ZNF532: variants seen among roughly 807,000 people sequenced by gnomAD.
ZNF532 encodes zinc finger protein 532.
A neutral mutation model predicts 89.3 loss-of-function variants in ZNF532; 22 were observed. That is an observed-to-expected ratio of 0.25 (90% confidence interval 0.18 to 0.35). The LOEUF (loss-of-function observed/expected upper bound fraction) is 0.35. Among genes scored for constraint, ZNF532 ranks in the 10% least tolerant of loss-of-function variants. The pLI is 1.00. For missense variants in ZNF532, 1,132 were observed against 1,643.4 expected, an observed-to-expected ratio of 0.69 and a Z score of 5.38; for synonymous variants, 606 against 649.6, an observed-to-expected ratio of 0.93 and a Z score of 1.02.
intron 2 of ZNF532, among the ~76,000 whole-genome samples, chr18:58,908,132 A>C (rs1390802140): frequency 6.6e-6 from 1 of 152,236 alleles, no homozygotes. Flanking sequence ...TCTAAATATC[A>C]GTAGCCCCTT....
In ZNF532 at chr18:58,967,658, G is replaced by A. The variant is rs568031942; in HGVS notation, c.3151-11397G>A. On this transcript the variant is annotated intron_variant, in intron 7 of 9. Coordinates refer to ENST00000591808, the MANE Select transcript of ZNF532 (RefSeq NM_001375912.1). ...TGGAGAGCCTGGCAAGTTAGAGTCG[G>A]AGCTCGGTAAATACCGTGGAAGGAA... Among the ~76,000 whole-genome samples, 5 of 152,258 alleles carry A rather than the reference G, an allele frequency of 3.3e-5. No homozygotes were observed. The East Asian group carries it at 9.7e-4, about 29-fold the overall frequency.
chr18:58,908,334 TTG>T (rs2060066618), intron 2 of ZNF532, among the ~76,000 whole-genome samples: 3 of 152,352 alleles, frequency 2.0e-5, no homozygotes, highest in South Asian at 2.1e-4. Context: ...TCATGAAAGT[TTG>T]TCCATAGACA....
chr18:58,896,072 TAAACTCTTGGCCTCAAGC>T (rs1013129239), intron 2 of ZNF532, among the ~76,000 whole-genome samples: 1 of 152,054 alleles, frequency 6.6e-6, no homozygotes, highest in African/African-American at 2.4e-5. Context: ...AGGCTGGTCT[TAAACTCTTGGCCTCAAGC>T]GATCTTCCCA....
chr18:58,873,115 C>T (rs1234731062), intron 2 of ZNF532, among the ~76,000 whole-genome samples: 2 of 150,128 alleles, frequency 1.3e-5, no homozygotes, highest in African/African-American at 4.9e-5. Context: ...TCAAGTGATC[C>T]TCCTACCTTG....
intron 5 of ZNF532, among the ~76,000 whole-genome samples, chr18:58,943,981 G>A (rs182272852): frequency 1.9e-3 from 289 of 152,324 alleles, no homozygotes; most frequent in Middle Eastern, 6.8e-3. Flanking sequence ...GCATGAGAGA[G>A]GAGTATGGAG....
At chr18:58,867,339 A>C (rs1404311143) in intron 2 of ZNF532, among the ~76,000 whole-genome samples, 1 of 151,742 alleles carries the variant, frequency 6.6e-6, no homozygotes, top group African/African-American at 2.4e-5. Flanking sequence ...TGAAGATAGC[A>C]TTTGTTTTGC....
In ZNF532 at chr18:58,949,670, C is replaced by T. The variant is rs966473684; in HGVS notation, c.2868+1441C>T. ...CAGCCTGGGCGACAGAGCAAGACTC[C>T]GTCTCAGAAACAAACAAACAAAAAG... is the stretch of plus-strand genomic sequence containing the variant. On this transcript the variant is annotated intron_variant, in intron 6 of 9. Transcript: ENST00000591808. Among the ~76,000 whole-genome samples, 14 of 152,108 alleles carry T rather than the reference C, an allele frequency of 9.2e-5. 1 individual carries two copies. Among genetic ancestry groups the T allele is most frequent in the South Asian group, 4.1e-4 (2 of 4,820 alleles).
In ZNF532 at chr18:58,984,581, T is replaced by TTCTC; in HGVS notation, c.*117_*120dup. 1 of 1,307,536 alleles carries TTCTC rather than the reference T, an allele frequency of 7.6e-7. No individual in the cohort carries two copies. 81.0% of individuals were successfully genotyped at this position (1,307,536 alleles called of 1,614,324 possible). On this transcript the variant is annotated 3_prime_UTR_variant, in exon 10 of 10. Transcript: ENST00000591808. Reference sequence around the variant, plus strand: ...GTACTGTCTAGGCTGTTGCAATATATTCTCTTTCAATGTACCTTCCTTCAC... The same window carrying TTCTC: ...GTACTGTCTAGGCTGTTGCAATATATTCTCTCTCTTTCAATGTACCTTCCTTCAC...
intron 2 of ZNF532, among the ~76,000 whole-genome samples, chr18:58,917,029 A>C (rs572176362): frequency 4.0e-4 from 61 of 152,158 alleles, no homozygotes; most frequent in Non-Finnish European, 8.1e-4. Context: ...TGGCTAGGTG[A>C]ATTCTTCCAC....
At chr18:58,905,331 A>G (rs2059863168) in intron 2 of ZNF532, among the ~76,000 whole-genome samples, 1 of 151,550 alleles carries the variant, frequency 6.6e-6, no homozygotes, top group African/African-American at 2.4e-5. Context: ...TAAAAGGATT[A>G]TAGTATACAA....
intron 2 of ZNF532, among the ~76,000 whole-genome samples, chr18:58,903,655 G>A (rs1602890172): frequency 6.6e-6 from 1 of 152,120 alleles, no homozygotes; most frequent in Admixed American, 6.5e-5. Flanking sequence ...GAAAATAATG[G>A]TATTGAAAGA....
chr18:58,971,130 G>A (rs2066436945), intron 7 of ZNF532, among the ~76,000 whole-genome samples: 1 of 152,212 alleles, frequency 6.6e-6, no homozygotes, highest in Admixed American at 6.5e-5. Flanking sequence ...AAACTTCGGA[G>A]ACTTGGTTTT....
chr18:58,913,326 A>G (rs1038005602), intron 2 of ZNF532, among the ~76,000 whole-genome samples: 5 of 152,234 alleles, frequency 3.3e-5, no homozygotes, highest in African/African-American at 9.6e-5. Context: ...GATGCTAGCT[A>G]GATTCATTTT....
chr18:58,948,009 AG>A, intron 5 of ZNF532, 57 bp from the exon 6 acceptor site: 1 of 1,519,630 alleles, frequency 6.6e-7, no homozygotes, highest in Non-Finnish European at 8.9e-7. Context: ...ATAAAGTAGC[AG>A]ATCCTTTGAC....
At chr18:58,956,853 G>A (rs1224865494) in intron 7 of ZNF532, among the ~76,000 whole-genome samples, 1 of 152,010 alleles carries the variant, frequency 6.6e-6, no homozygotes, top group African/African-American at 2.4e-5. Context: ...CACCATTACC[G>A]GAACACCCAT....
At chr18:58,903,101 T>G (rs1445404716) in intron 2 of ZNF532, among the ~76,000 whole-genome samples, 1 of 152,204 alleles carries the variant, frequency 6.6e-6, no homozygotes, top group Non-Finnish European at 1.5e-5. Flanking sequence ...CTTGTTTCCA[T>G]TTGTAGAATA....
In ZNF532 at chr18:58,984,282, G is replaced by C. The variant is rs150751424; in HGVS notation, c.3722G>C (p.Gly1241Ala). Residue 1241 changes from glycine (G) to alanine (A), a missense_variant, in exon 10 of 10, where the codon GGG becomes GCG. Around this residue, in one of 9 missense-constraint regions of ZNF532, gnomAD observed 415 missense variants for 604.8 expected, o/e 0.69. Coordinates refer to ENST00000591808, the MANE Select transcript of ZNF532 (RefSeq NM_001375912.1). ...CCAGTGTCCAAGCAAAATGGGGCTG[G>C]GGAAGATAACCAACAGGAGAACAAA... Reference protein sequence around the residue: ...PQPVSKQNGAGEDNQQENKPS... With the variant: ...PQPVSKQNGAAEDNQQENKPS... 416 of 1,611,868 alleles carry C rather than the reference G, an allele frequency of 2.6e-4. No homozygotes were observed. Among genetic ancestry groups the C allele is most frequent in the Middle Eastern group, 9.0e-4 (4 of 4,452 alleles).
chr18:58,927,520 G>A (rs1179591104), intron 3 of ZNF532, among the ~76,000 whole-genome samples: 3 of 151,898 alleles, frequency 2.0e-5, no homozygotes, highest in African/African-American at 7.3e-5. Context: ...GATATATGAG[G>A]CGAAGAGAAA....
At chr18:58,905,158 A>G (rs888229432) in intron 2 of ZNF532, among the ~76,000 whole-genome samples, 18 of 152,208 alleles carry the variant, frequency 1.2e-4, no homozygotes, top group Middle Eastern at 3.4e-3. Context: ...TTGTGTTTCT[A>G]ATAACCTATG....
Sources: allele counts gnomAD v4.1 joint callset (sites outside exome capture counted in the v4.1 genomes callset), GRCh38; gene constraint gnomAD v4.1.1; regional missense constraint gnomAD v4.1.1; transcripts MANE v1.5; gene names NCBI Gene and HGNC (gene_info 2026-07-23, HGNC 2026-07-21).